The following ARRDC1 variants were observed in gnomAD, a reference collection of about 807,000 sequenced individuals.
ARRDC1 encodes the protein arrestin domain-containing protein 1.
In ARRDC1, 37 loss-of-function variants were observed where a neutral mutation model predicts 40.1. That is an observed-to-expected ratio of 0.92 (90% confidence interval 0.71 to 1.21). The LOEUF is 1.21. Among genes scored for constraint, ARRDC1 ranks in the 50% most tolerant of loss-of-function variants. The pLI is 0.00. For missense variants in ARRDC1, 641 were observed against 581.9 expected, an observed-to-expected ratio of 1.10 and a Z score of -1.04; for synonymous variants, 310 against 262.5, an observed-to-expected ratio of 1.18 and a Z score of -1.75.
chr9:137,613,956 T>G lies in ARRDC1; in HGVS notation c.436-76T>G. 4 of 1,578,506 alleles carry G rather than the reference T, an allele frequency of 2.5e-6. No homozygotes were observed. The Middle Eastern group carries it at 6.8e-4, about 267-fold the overall frequency. On this transcript the variant is annotated intron_variant, in intron 4 of 7. Coordinates refer to ENST00000371421, the MANE Select transcript of ARRDC1 (RefSeq NM_152285.4). Reference sequence around the variant, plus strand: ...GTCCAGGGGCAGGGCGTGGCAGGGCTGAGGGGCCTGTCCCAATGCCACAGG... The same window carrying G: ...GTCCAGGGGCAGGGCGTGGCAGGGCGGAGGGGCCTGTCCCAATGCCACAGG...
chr9:137,608,820 T>C (rs1842465717), intron 1 of ARRDC1, among the ~76,000 whole-genome samples: 1 of 152,134 alleles, frequency 6.6e-6, no homozygotes, highest in Non-Finnish European at 1.5e-5. Context: ...GAGGAGTGTG[T>C]GGGGCAGCTC....
At position 137,613,062 on chromosome 9, in the gene ARRDC1, G is replaced by A. The variant is rs139265897; in HGVS notation, c.229+56G>A. On this transcript the variant is annotated intron_variant, in intron 2 of 7. Transcript: ENST00000371421. ...ACCCCTGGGGGCAGCCCTTGGAGTGGGGCCTGTCTGTCCTGTCCTCCCCCT... is the reference window on the plus strand; with the variant it reads ...ACCCCTGGGGGCAGCCCTTGGAGTGAGGCCTGTCTGTCCTGTCCTCCCCCT... The A allele has an allele frequency of 1.1e-5, 14 of 1,310,370 alleles. No individual in the cohort carries two copies. The African/African-American group carries it at 1.3e-4, about 12-fold the overall frequency. The allele number at this position is 1,310,370 out of a possible 1,614,324, so 81.2% of individuals were successfully genotyped here.
chr9:137,614,952 A>G lies in ARRDC1; in HGVS notation c.1189A>G (p.Ser397Gly). Reference protein sequence around the residue: ...EGSGGPVPTTSTLILPPEYSS... With the variant: ...EGSGGPVPTTGTLILPPEYSS... Reference sequence around the variant, plus strand: ...CTCCGGGGGGCCAGTGCCCACTACCAGCACCTTGATTCTTCCTCCAGAGTA... The same window carrying G: ...CTCCGGGGGGCCAGTGCCCACTACCGGCACCTTGATTCTTCCTCCAGAGTA... The change falls in exon 7 of 8, where the codon AGC (serine) becomes GGC (glycine). Residue 397 changes from serine to glycine, a missense_variant. By Grantham distance (56) the Ser-to-Gly change is moderately conservative. Transcript: ENST00000371421. 2.5e-6 allele frequency: 4 copies of G among 1,613,858 alleles called. No homozygotes were observed. Among genetic ancestry groups the G allele is most frequent in the Non-Finnish European group, 3.4e-6 (4 of 1,179,962 alleles).
intron 1 of ARRDC1, among the ~76,000 whole-genome samples, chr9:137,610,022 G>A (rs1408389539): frequency 1.3e-5 from 2 of 151,824 alleles, no homozygotes; most frequent in South Asian, 2.1e-4. Flanking sequence ...CACCGTGTCA[G>A]CCAGGATGAT....
chr9:137,613,422 G>C, intron 2 of ARRDC1, 38 bp from the exon 3 acceptor site: 3 of 1,599,722 alleles, frequency 1.9e-6, no homozygotes, highest in Non-Finnish European at 2.6e-6. Flanking sequence ...GGCCACCTCA[G>C]GGGGGGACTG....
Position 137,605,742 on chromosome 9 carries a change from A to C in ARRDC1, c.25A>C (p.Ile9Leu). Residue 9 changes from isoleucine to leucine, a missense_variant, in exon 1 of 8, where the codon ATC becomes CTC. Ile to Leu is a conservative substitution (Grantham distance 5). Transcript: ENST00000371421. ...CATGGGGCGAGTGCAGCTCTTCGAG[A>C]TCAGCCTGAGCCACGGCCGCGTCGT... Reference protein sequence around the residue: MGRVQLFEISLSHGRVVYS... With the variant: MGRVQLFELSLSHGRVVYS... 7.2e-7 allele frequency: 1 copy of C among 1,385,998 alleles called. No individual in the cohort carries two copies. Among genetic ancestry groups the C allele is most frequent in the Non-Finnish European group, 9.4e-7 (1 of 1,066,474 alleles). The allele number at this position is 1,385,998 out of a possible 1,614,324, so 85.9% of individuals were successfully genotyped here.
At position 137,612,998 on chromosome 9, in the gene ARRDC1, C is replaced by A; in HGVS notation, c.221C>A (p.Ala74Glu). ...EGYFNSSLSL[A>E]DKGSLPAGEH... ...TACTTCAACAGTTCCCTGTCGCTGGCAGACAAGGGTAAGTTTGGGAGCCAG... is the reference window on the plus strand; with the variant it reads ...TACTTCAACAGTTCCCTGTCGCTGGAAGACAAGGGTAAGTTTGGGAGCCAG... The change falls in exon 2 of 8, where the codon GCA becomes GAA. Residue 74 changes from alanine (A) to glutamate (E), a missense_variant. By Grantham distance (107) the Ala-to-Glu change is moderately radical. Coordinates refer to ENST00000371421, the MANE Select transcript of ARRDC1 (RefSeq NM_152285.4). 1.2e-6 allele frequency: 2 copies of A among 1,613,132 alleles called. No individual in the cohort carries two copies. Among genetic ancestry groups the A allele is most frequent in the Non-Finnish European group, 1.7e-6 (2 of 1,179,240 alleles).
Position 137,614,188 on chromosome 9 carries a change from A to G in ARRDC1, c.592A>G (p.Ser198Gly). Residue 198 changes from serine (S) to glycine (G), a missense_variant, in exon 5 of 8, where the codon AGC becomes GGC. Physicochemically the swap from Ser to Gly is moderately conservative, Grantham distance 56. Transcript: ENST00000371421. ...TGAGAACCAGTCAGGCAAGGACACC[A>G]GCCCTGTGGTGGCCAGTCTGCTGCA... is the stretch of plus-strand genomic sequence containing the variant. ...DVENQSGKDTSPVVASLLQKV... is the reference protein window; with the variant it reads ...DVENQSGKDTGPVVASLLQKV... 1 of 1,604,734 alleles carries G rather than the reference A, an allele frequency of 6.2e-7. No individual in the cohort carries two copies. The highest frequency in any genetic ancestry group is 1.1e-5 in the South Asian group (1 of 90,528).
chr9:137,609,164 G>A (rs1588984907), intron 1 of ARRDC1, among the ~76,000 whole-genome samples: 1 of 152,128 alleles, frequency 6.6e-6, no homozygotes, highest in Non-Finnish European at 1.5e-5. Context: ...CCAGAACCTC[G>A]TACTTGTCTG....
Position 137,614,703 on chromosome 9 carries a change from C to CAGG in ARRDC1, c.947_949dup (p.Glu316dup). The CAGG allele has an allele frequency of 6.2e-7, 1 of 1,610,966 alleles. No individual in the cohort carries two copies. The highest frequency in any genetic ancestry group is 8.5e-7 in the Non-Finnish European group (1 of 1,179,216). On this transcript the variant is annotated inframe_insertion, in exon 7 of 8. Coordinates refer to ENST00000371421, the MANE Select transcript of ARRDC1 (RefSeq NM_152285.4). The stretch of plus-strand genomic sequence containing the variant: ...CCTGGTGGTGCCTTCCGCACCACCC[C>CAGG]AGGAGGAGGCTGAGGCTGAGGCTGC...
rs1460193161 is a variant in ARRDC1, at chr9:137,605,770, A to G, written c.53A>G (p.Tyr18Cys). 3 of 1,359,918 alleles carry G rather than the reference A, an allele frequency of 2.2e-6. No homozygotes were observed. Among genetic ancestry groups the G allele is most frequent in the Admixed American group, 3.2e-5 (1 of 31,246 alleles). 84.2% of individuals were successfully genotyped at this position (1,359,918 alleles called of 1,614,324 possible). A position where few individuals can be genotyped will look rare whatever the true frequency, so the allele number is the denominator to read the frequency against. Residue 18 changes from tyrosine to cysteine, a missense_variant, in exon 1 of 8, where the codon TAC becomes TGC. Coordinates refer to ENST00000371421, the MANE Select transcript of ARRDC1 (RefSeq NM_152285.4). ...AGCCTGAGCCACGGCCGCGTCGTCT[A>G]CAGCCCCGGGGAGCCGTTGGCTGGG... ...EISLSHGRVV[Y>C]SPGEPLAGTV...
Position 137,615,184 on chromosome 9 carries a change from T to C in ARRDC1, c.*46T>C. The C allele has an allele frequency of 6.8e-7, 1 of 1,474,832 alleles. No homozygotes were observed. The highest frequency in any genetic ancestry group is 9.0e-7 in the Non-Finnish European group (1 of 1,109,092). The allele number at this position is 1,474,832 out of a possible 1,614,324, so 91.4% of individuals were successfully genotyped here. On this transcript the variant is annotated 3_prime_UTR_variant, in exon 8 of 8. Transcript: ENST00000371421. ...GCAGGCCTGGCCTCTGCCCTGGGAC[T>C]GGGGCGCCCAGGGCCTCGTGCCTTC...
rs376105916 is a variant in ARRDC1 at position 137,614,335 on chromosome 9, G to A, written c.655G>A (p.Val219Ile). 39 of 1,611,486 alleles carry A rather than the reference G, an allele frequency of 2.4e-5. No homozygotes were observed. Among genetic ancestry groups the A allele is most frequent in the Middle Eastern group, 1.6e-4 (1 of 6,078 alleles). ...SYKAKRWIHD[V>I]RTIAEVEGAG... ...TAAGGCCAAGCGCTGGATCCACGAC[G>A]TACGGACCATTGCGGAGGTGGAGGG... The change falls in exon 6 of 8, where the codon GTA (valine) becomes ATA (isoleucine). Residue 219 changes from valine to isoleucine, a missense_variant. By Grantham distance (29) the Val-to-Ile change is conservative (BLOSUM62 3). Transcript: ENST00000371421.
At position 137,614,925 on chromosome 9, in the gene ARRDC1, G is replaced by T; in HGVS notation, c.1162G>T (p.Gly388Cys). The T allele has an allele frequency of 6.2e-7, 1 of 1,613,880 alleles. No individual in the cohort carries two copies. The highest frequency in any genetic ancestry group is 8.5e-7 in the Non-Finnish European group (1 of 1,179,992). ...TGATVPYFAE[G>C]SGGPVPTTST... is the part of the protein sequence containing the mutation. ...TGCCACTGTCCCCTACTTTGCAGAGGGCTCCGGGGGGCCAGTGCCCACTAC... is the reference window on the plus strand; with the variant it reads ...TGCCACTGTCCCCTACTTTGCAGAGTGCTCCGGGGGGCCAGTGCCCACTAC... Residue 388 changes from glycine to cysteine, a missense_variant, in exon 7 of 8, where the codon GGC (glycine) becomes TGC (cysteine). By Grantham distance (159) the Gly-to-Cys change is radical. Transcript: ENST00000371421.
chr9:137,610,979 G>T (rs1842505556), intron 1 of ARRDC1, among the ~76,000 whole-genome samples: 1 of 152,240 alleles, frequency 6.6e-6, no homozygotes, highest in Non-Finnish European at 1.5e-5. Flanking sequence ...TTACAGGTGT[G>T]AGCCACTGCA....
In ARRDC1 at chr9:137,615,023, G is replaced by T. The variant is rs779906135; in HGVS notation, c.1237+23G>T. The T allele has an allele frequency of 1.1e-5, 17 of 1,612,398 alleles. No individual in the cohort carries two copies. In the East Asian group the frequency reaches 3.8e-4, roughly 36 times the overall value. ...ATGGTGAGTCGACAGCCAGGGCTTGGCAGGGAGGGGACGCCAAGAGCCCCA... is the reference window on the plus strand; with the variant it reads ...ATGGTGAGTCGACAGCCAGGGCTTGTCAGGGAGGGGACGCCAAGAGCCCCA... On this transcript the variant is annotated intron_variant, in intron 7 of 7. Coordinates refer to ENST00000371421, the MANE Select transcript of ARRDC1 (RefSeq NM_152285.4).
At chr9:137,613,177 G>A in intron 2 of ARRDC1, 171 bp downstream of exon 2, 2 of 754,178 alleles carry the variant, frequency 2.7e-6, no homozygotes, top group Admixed American at 4.1e-5. Flanking sequence ...CTGGGTGGCT[G>A]AAGGGGCCAC....
At chr9:137,605,991 G>A (rs117137535) in intron 1 of ARRDC1, among the ~76,000 whole-genome samples, 156 bp downstream of exon 1, 4,291 of 151,648 alleles carry the variant, frequency 0.028, 100 homozygotes, top group East Asian at 0.098. Context: ...GCGCCGGGGA[G>A]GTCCGGGCGG....
chr9:137,614,346 T>C lies in ARRDC1; in HGVS notation c.666T>C (p.Ile222=), dbSNP rs1458180040. 2.5e-6 allele frequency: 4 copies of C among 1,612,580 alleles called. No individual in the cohort carries two copies. The South Asian group carries it at 3.3e-5, about 13-fold the overall frequency. ...AKRWIHDVRT[I]AEVEGAGVKA... is the part of the protein sequence containing the mutation. ...GCTGGATCCACGACGTACGGACCAT[T>C]GCGGAGGTGGAGGGTGCGGGCGTCA... Residue 222 remains isoleucine, a synonymous_variant, in exon 6 of 8, where the codon ATT becomes ATC. Coordinates refer to ENST00000371421, the MANE Select transcript of ARRDC1 (RefSeq NM_152285.4).
Sources: allele counts gnomAD v4.1 joint callset (sites outside exome capture counted in the v4.1 genomes callset), GRCh38; gene constraint gnomAD v4.1.1; transcripts MANE v1.5; gene names NCBI Gene and HGNC (gene_info 2026-07-23, HGNC 2026-07-21).